Variants in NBAS observed in about 807,000 individuals in gnomAD.
NBAS encodes NAG/BC035112 fusion.
A neutral mutation model predicts 302.5 loss-of-function variants in NBAS; 219 were observed. That is an observed-to-expected ratio of 0.72 (90% CI 0.65 to 0.81). NBAS has a LOEUF of 0.81. Among genes scored for constraint, NBAS ranks in the 30% least tolerant of loss-of-function variants. The pLI, the probability that NBAS is intolerant of heterozygous loss-of-function variation, is 0.00. For synonymous variants in NBAS, 1,118 were observed against 1,021.6 expected (o/e 1.09, Z -1.80); for missense variants, 2,932 against 2,841.6 (o/e 1.03, Z -0.72).
chr2:15,131,953 C>T, the NBAS span, among the ~76,000 whole-genome samples: 12 of 152,286 alleles, frequency 7.9e-5, no homozygotes, highest in Admixed American at 5.2e-4. Flanking sequence ...GAGGACAGCA[C>T]CAACGAGGGA....
intron 21 of NBAS, among the ~76,000 whole-genome samples, chr2:15,442,154 G>C: frequency 7.9e-6 from 1 of 126,662 alleles, no homozygotes; most frequent in Admixed American, 8.5e-5. Context: ...GCACCAAGCG[G>C]ACCTAATAGA....
chr2:14,870,408 T>C, the NBAS span, among the ~76,000 whole-genome samples: 1 of 152,226 alleles, frequency 6.6e-6, no homozygotes. Context: ...AGGAACATGC[T>C]GAATGATCAC....
At chr2:14,827,858 T>C in the NBAS span, among the ~76,000 whole-genome samples, 1 of 152,198 alleles carries the variant, frequency 6.6e-6, no homozygotes, top group Non-Finnish European at 1.5e-5. Flanking sequence ...GATGAGTAAG[T>C]TCCAAAGACC....
At position 15,501,193 on chromosome 2, in the gene NBAS, C is replaced by T. The variant is rs556683056; in HGVS notation, c.954+2952G>A. On this transcript the variant is annotated intron_variant, in intron 11 of 51. Coordinates refer to ENST00000281513, the MANE Select transcript of NBAS (RefSeq NM_015909.4). ...GCGGGTGCCTGTAGTCCCAGCTACTCAGGAGGCTGAGACAGGAGAATGGTG... is the reference window on the plus strand; with the variant it reads ...GCGGGTGCCTGTAGTCCCAGCTACTTAGGAGGCTGAGACAGGAGAATGGTG... Among the ~76,000 whole-genome samples the T allele has an allele frequency of 1.7e-3, 253 of 151,104 alleles. 2 individuals are homozygous for T. The highest frequency in any genetic ancestry group is 2.4e-3 in the Non-Finnish European group (160 of 67,866).
chr2:14,807,454 A>T, the NBAS span, among the ~76,000 whole-genome samples: 358 of 147,336 alleles, frequency 2.4e-3, no homozygotes, highest in African/African-American at 8.0e-3. Flanking sequence ...TGTGTGTGTG[A>T]GTGTGTGTGT....
chr2:14,871,639 A>G, the NBAS span, among the ~76,000 whole-genome samples: 1 of 152,274 alleles, frequency 6.6e-6, no homozygotes, highest in Middle Eastern at 3.4e-3. Context: ...TAGTAGCACA[A>G]AAGGCAGGAG....
intron 25 of NBAS, among the ~76,000 whole-genome samples, chr2:15,410,828 A>G (rs559528038): frequency 7.2e-5 from 11 of 152,226 alleles, no homozygotes; most frequent in Admixed American, 6.5e-4. Context: ...TTTCTTCTGG[A>G]AGTTTCCATG....
the NBAS span, among the ~76,000 whole-genome samples, chr2:14,990,111 A>G: frequency 6.6e-6 from 1 of 151,622 alleles, no homozygotes; most frequent in Non-Finnish European, 1.5e-5. Context: ...TCTCATTGTA[A>G]TCCTTAAATT....
At chr2:14,904,437 G>A in the NBAS span, among the ~76,000 whole-genome samples, 1 of 152,212 alleles carries the variant, frequency 6.6e-6, no homozygotes, top group Non-Finnish European at 1.5e-5. Flanking sequence ...AGGGCAGGAA[G>A]CATCCAGCAC....
intron 44 of NBAS, among the ~76,000 whole-genome samples, chr2:15,252,061 A>G (rs994338875): frequency 6.6e-6 from 1 of 152,194 alleles, no homozygotes; most frequent in Non-Finnish European, 1.5e-5. Flanking sequence ...GGGAGGCATA[A>G]AAGGATCTCC....
At chr2:15,255,647 T>C (rs1412745806) in intron 44 of NBAS, among the ~76,000 whole-genome samples, 1 of 152,180 alleles carries the variant, frequency 6.6e-6, no homozygotes, top group East Asian at 1.9e-4. Flanking sequence ...GAAGAGTTTT[T>C]CCAACGTTAT....
chr2:15,450,437 C>T (rs994148445), intron 21 of NBAS, among the ~76,000 whole-genome samples: 4 of 152,110 alleles, frequency 2.6e-5, no homozygotes, highest in African/African-American at 7.2e-5. Flanking sequence ...GAAGGCTTTC[C>T]TGATTCACCT....
chr2:15,417,964 T>G (rs1369755235), intron 23 of NBAS, among the ~76,000 whole-genome samples: 1 of 152,224 alleles, frequency 6.6e-6, no homozygotes, highest in Non-Finnish European at 1.5e-5. Context: ...CTATTATAAA[T>G]TTGTAGAGCG....
chr2:15,531,404 G>A lies in NBAS; in HGVS notation c.746+3139C>T, dbSNP rs567619912. Among the ~76,000 whole-genome samples the A allele has an allele frequency of 1.1e-4, 17 of 152,190 alleles. 1 individual carries two copies. The South Asian group carries it at 1.5e-3, about 13-fold the overall frequency. ...TACCACCCTGAATGCACCTGATCTCGCATGATCTCAGAAGAAAGTTCTGAG... is the reference window on the plus strand; with the variant it reads ...TACCACCCTGAATGCACCTGATCTCACATGATCTCAGAAGAAAGTTCTGAG... On this transcript the variant is annotated intron_variant, in intron 9 of 51. Coordinates refer to ENST00000281513, the MANE Select transcript of NBAS (RefSeq NM_015909.4).
chr2:14,873,785 G>A, the NBAS span, among the ~76,000 whole-genome samples: 2 of 148,594 alleles, frequency 1.3e-5, no homozygotes, highest in Non-Finnish European at 1.5e-5. Context: ...CAAAAGAAAC[G>A]AAAACATGAC....
the NBAS span, among the ~76,000 whole-genome samples, chr2:14,832,508 C>T: frequency 6.6e-6 from 1 of 152,068 alleles, no homozygotes; most frequent in South Asian, 2.1e-4. Context: ...CAGAGCTATG[C>T]TTCACCCACT....
chr2:14,918,330 A>AT, the NBAS span, among the ~76,000 whole-genome samples: 30,387 of 147,626 alleles, frequency 0.21, 3,953 homozygotes, highest in African/African-American at 0.36. Context: ...AAAAAAAAAA[A>AT]CAATGTAATG....
intron 35 of NBAS, among the ~76,000 whole-genome samples, chr2:15,338,514 C>T (rs1280876394): frequency 6.6e-6 from 1 of 152,134 alleles, no homozygotes; most frequent in African/African-American, 2.4e-5. Flanking sequence ...AAGTCTGACT[C>T]TGCTTCATCT....
intron 28 of NBAS, among the ~76,000 whole-genome samples, chr2:15,391,968 A>G (rs1173188994): frequency 6.6e-6 from 1 of 151,594 alleles, no homozygotes; most frequent in Non-Finnish European, 1.5e-5. Context: ...TGAAATAAAG[A>G]CTTTTTTAAA....
Sources: gnomAD v4.1 joint callset for allele counts (sites outside exome capture counted in the v4.1 genomes callset) on GRCh38, gnomAD v4.1.1 for gene constraint, MANE v1.5 for transcripts, NCBI Gene and HGNC (gene_info 2026-07-23, HGNC 2026-07-21) for gene names.